The following ARHGEF17 variants were observed in gnomAD, a reference collection of about 807,000 sequenced individuals.
ARHGEF17 encodes the protein Rho guanine nucleotide exchange factor 17.
ARHGEF17 carries 80 observed loss-of-function variants against 174.0 expected under a neutral mutation model. The observed-to-expected ratio is 0.46, with a 90% CI of 0.38 to 0.55. The LOEUF is 0.55. ARHGEF17 is among the 20% of genes least tolerant of loss of function. The pLI is 0.00. For missense variants in ARHGEF17, 2,886 were observed against 2,839.7 expected, an observed-to-expected ratio of 1.02 and a Z score of -0.37; for synonymous variants, 1,311 against 1,189.1, an observed-to-expected ratio of 1.10 and a Z score of -2.11.
In ARHGEF17 at chr11:73,360,438, G is replaced by A. The variant is rs202109402; in HGVS notation, c.4325G>A (p.Arg1442Gln). The A allele has an allele frequency of 2.0e-5, 33 of 1,614,006 alleles. No individual in the cohort carries two copies. In the Middle Eastern group the frequency reaches 9.9e-4, roughly 48 times the overall value. Residue 1442 changes from arginine (R) to glutamine (Q), a missense_variant, in exon 11 of 21, where the codon CGG becomes CAG. Arg to Gln is a conservative substitution (Grantham distance 43, BLOSUM62 1). Around this residue, in one of 4 missense-constraint regions of ARHGEF17, gnomAD observed 476 missense variants for 473.1 expected, o/e 1.01. Coordinates refer to ENST00000263674, the MANE Select transcript of ARHGEF17 (RefSeq NM_014786.4). ...PPTKLELCAT[R>Q]PEGTDSYIFE... ...ACCAAGCTGGAGCTGTGCGCCACTC[G>A]GCCCGAGGGCACCGACTCCTACATT...
intron 20 of ARHGEF17, among the ~76,000 whole-genome samples, 162 bp downstream of exon 20, chr11:73,366,109 T>G (rs1172091138): frequency 6.6e-6 from 1 of 151,600 alleles, no homozygotes; most frequent in Non-Finnish European, 1.5e-5. Flanking sequence ...CCAAATGAAA[T>G]CTAGGATAGT....
At position 73,311,633 on chromosome 11, in the gene ARHGEF17, C is replaced by A; in HGVS notation, c.2995C>A (p.Gln999Lys). The A allele has an allele frequency of 6.2e-7, 1 of 1,613,304 alleles. No homozygotes were observed. The change falls in exon 1 of 21, where the codon CAG (glutamine) becomes AAG (lysine). Residue 999 changes from glutamine (Q) to lysine (K), a missense_variant. Coordinates refer to ENST00000263674, the MANE Select transcript of ARHGEF17 (RefSeq NM_014786.4). ...CCCTACCCGAGCCCATCCCACGTTG[C>A]AGGCACCATCGCTCGAGGACGTCAC... ...GFPTRAHPTL[Q>K]APSLEDVTKQ...
Position 73,363,280 on chromosome 11 carries a change from C to T in ARHGEF17, c.5071C>T (p.Leu1691=). The T allele has an allele frequency of 6.2e-7, 1 of 1,611,266 alleles. No homozygotes were observed. Residue 1691 remains leucine, a synonymous_variant, in exon 15 of 21, where the codon CTG becomes TTG. Coordinates refer to ENST00000263674, the MANE Select transcript of ARHGEF17 (RefSeq NM_014786.4). ...SSEEEQEPGF[L]PLSGSFGPGG... ...AGAGGAGGAGCAGGAGCCAGGCTTC[C>T]TGCCACTGTCTGGCTCCTTTGGGCC...
intron 13 of ARHGEF17, 68 bp downstream of exon 13, chr11:73,362,307 T>A (rs12421776): frequency 2.5e-4 from 370 of 1,451,356 alleles, no homozygotes; most frequent in African/African-American, 2.0e-3. Context: ...CCCAGCACAC[T>A]CTCAGGCCGC....
chr11:73,361,929 C>A, intron 12 of ARHGEF17, 111 bp from the exon 13 acceptor site: 1 of 1,271,448 alleles, frequency 7.9e-7, no homozygotes, highest in Non-Finnish European at 1.1e-6. Flanking sequence ...TCCACACACA[C>A]ACACCCATGC....
At chr11:73,314,317 AAG>A (rs1383278670) in intron 1 of ARHGEF17, among the ~76,000 whole-genome samples, 1 of 152,190 alleles carries the variant, frequency 6.6e-6, no homozygotes, top group Non-Finnish European at 1.5e-5. Flanking sequence ...CCTGGGGACT[AAG>A]GGGATGCCCC....
At chr11:73,336,642 T>A (rs1030573577) in intron 1 of ARHGEF17, among the ~76,000 whole-genome samples, 3 of 152,192 alleles carry the variant, frequency 2.0e-5, no homozygotes, top group Non-Finnish European at 4.4e-5. Context: ...TCCCCTTCCT[T>A]CATTTCTCCT....
chr11:73,351,565 G>C (rs2134414506), intron 2 of ARHGEF17, among the ~76,000 whole-genome samples: 1 of 152,114 alleles, frequency 6.6e-6, no homozygotes, highest in Admixed American at 6.5e-5. Flanking sequence ...GATCTCCCAC[G>C]ACCCTCCCTG....
At chr11:73,314,554 C>G (rs966622301) in intron 1 of ARHGEF17, among the ~76,000 whole-genome samples, 1 of 152,140 alleles carries the variant, frequency 6.6e-6, no homozygotes, top group East Asian at 1.9e-4. Flanking sequence ...AGTCAGCCTG[C>G]AGGGGGTGTC....
chr11:73,362,067 A>C lies in ARHGEF17; in HGVS notation c.4522A>C (p.Ser1508Arg), dbSNP rs754104072. ...CTCCTGTGCGGCTCCCACCCTGAAC[A>C]GCTGCCCGGAGCCCTCGCCTGAGGT... ...QFSCAAPTLNSCPEPSPEVWV... is the reference protein window; with the variant it reads ...QFSCAAPTLNRCPEPSPEVWV... Residue 1508 changes from serine (S) to arginine (R), a missense_variant, in exon 13 of 21, where the codon AGC becomes CGC. Coordinates refer to ENST00000263674, the MANE Select transcript of ARHGEF17 (RefSeq NM_014786.4). 6.2e-7 allele frequency: 1 copy of C among 1,612,776 alleles called. No individual in the cohort carries two copies. The highest frequency in any genetic ancestry group is 2.2e-5 in the East Asian group (1 of 44,876).
intron 11 of ARHGEF17, 86 bp from the exon 12 acceptor site, chr11:73,361,002 G>A: frequency 8.8e-7 from 1 of 1,137,726 alleles, no homozygotes; most frequent in Non-Finnish European, 1.3e-6. Flanking sequence ...GGGCAGGGGA[G>A]GAAGGGGAAT....
chr11:73,354,958 G>C (rs532808842), intron 3 of ARHGEF17, among the ~76,000 whole-genome samples: 1 of 152,366 alleles, frequency 6.6e-6, no homozygotes, highest in South Asian at 2.1e-4. Context: ...TTCATGGAGA[G>C]GGAGAACTTG....
chr11:73,363,381 C>A lies in ARHGEF17; in HGVS notation c.5172C>A (p.Gly1724=), dbSNP rs759570113. ...CCAGCCACGGCTCCTTCACCCGGGG[C>A]AGCCTTGAGGACCTGCTGAGTGTCG... ...RRSSHGSFTR[G]SLEDLLSVDP... The change falls in exon 15 of 21, where the codon GGC becomes GGA. Residue 1724 remains glycine (G), a synonymous_variant. Coordinates refer to ENST00000263674, the MANE Select transcript of ARHGEF17 (RefSeq NM_014786.4). The A allele has an allele frequency of 1.9e-6, 3 of 1,613,214 alleles. No individual in the cohort carries two copies. The highest frequency in any genetic ancestry group is 1.1e-5 in the South Asian group (1 of 91,022).
At chr11:73,349,227 C>T (rs1189924906) in intron 2 of ARHGEF17, among the ~76,000 whole-genome samples, 1 of 152,168 alleles carries the variant, frequency 6.6e-6, no homozygotes, top group Non-Finnish European at 1.5e-5. Flanking sequence ...TCACGTGCGT[C>T]CTCACTGGGT....
At position 73,338,127 on chromosome 11, in the gene ARHGEF17, G is replaced by C. The variant is rs967958551; in HGVS notation, c.3193-8756G>C. On this transcript the variant is annotated intron_variant, in intron 1 of 20. Coordinates refer to ENST00000263674, the MANE Select transcript of ARHGEF17 (RefSeq NM_014786.4). ...CCTTGAGAGGCTCCTCTTTCCAGAA[G>C]AGAGGGTCTCTAGGAAACAGGACCT... Among the ~76,000 whole-genome samples the C allele has an allele frequency of 3.3e-5, 5 of 152,288 alleles. No individual in the cohort carries two copies. The South Asian group carries it at 1.0e-3, about 32-fold the overall frequency.
chr11:73,362,648 G>A lies in ARHGEF17; in HGVS notation c.4910G>A (p.Ser1637Asn). ...DPRPELVPFD[S>N]DSDDESSPSP... Reference sequence around the variant, plus strand: ...CGCCCAGAGCTGGTGCCCTTTGACAGTGACTCTGACGATGAGTCTTCGCCC... The same window carrying A: ...CGCCCAGAGCTGGTGCCCTTTGACAATGACTCTGACGATGAGTCTTCGCCC... The change falls in exon 14 of 21, where the codon AGT becomes AAT. Residue 1637 changes from serine to asparagine, a missense_variant. Ser to Asn is a conservative substitution (Grantham distance 46, BLOSUM62 1). Around this residue, in one of 4 missense-constraint regions of ARHGEF17, gnomAD observed 476 missense variants for 473.1 expected, o/e 1.01. Transcript: ENST00000263674. 7 of 1,611,650 alleles carry A rather than the reference G, an allele frequency of 4.3e-6. No homozygotes were observed. The highest frequency in any genetic ancestry group is 5.1e-6 in the Non-Finnish European group (6 of 1,180,028).
At chr11:73,314,273 C>T (rs111427462) in intron 1 of ARHGEF17, among the ~76,000 whole-genome samples, 9 of 152,340 alleles carry the variant, frequency 5.9e-5, no homozygotes, top group African/African-American at 1.9e-4. Context: ...TAAGCAGAGA[C>T]GAGAGGAGCT....
In ARHGEF17 at chr11:73,310,080, A is replaced by G; in HGVS notation, c.1442A>G (p.Asp481Gly). 6.2e-7 allele frequency: 1 copy of G among 1,614,100 alleles called. No homozygotes were observed. Among genetic ancestry groups the G allele is most frequent in the Non-Finnish European group, 8.5e-7 (1 of 1,180,004 alleles). The stretch of plus-strand genomic sequence containing the variant: ...ACGCTTCTCAGTTTCCTGCGCTCAG[A>G]CCTTTCAGAGCTGAGGGTCCGAAAA... Reference protein sequence around the residue: ...TLTLLSFLRSDLSELRVRKPG... With the variant: ...TLTLLSFLRSGLSELRVRKPG... Residue 481 changes from aspartate to glycine, a missense_variant, in exon 1 of 21, where the codon GAC becomes GGC. By Grantham distance (94) the Asp-to-Gly change is moderately conservative (BLOSUM62 -1). Transcript: ENST00000263674.
rs759212507 is a variant in ARHGEF17 at position 73,364,222 on chromosome 11, T to C, written c.5384T>C (p.Val1795Ala). 1 of 1,614,168 alleles carries C rather than the reference T, an allele frequency of 6.2e-7. No individual in the cohort carries two copies. The highest frequency in any genetic ancestry group is 8.5e-7 in the Non-Finnish European group (1 of 1,180,022). Reference protein sequence around the residue: ...FVSLANGELVVYQREAGHFWD... With the variant: ...FVSLANGELVAYQREAGHFWD... ...TCTCTGGCCAATGGAGAGCTTGTGG[T>C]CTACCAAAGGGAAGCAGGTGAGTAT... Residue 1795 changes from valine to alanine, a missense_variant, in exon 17 of 21, where the codon GTC (valine) becomes GCC (alanine). By Grantham distance (64) the Val-to-Ala change is moderately conservative. Around this residue, in one of 4 missense-constraint regions of ARHGEF17, gnomAD observed 329 missense variants for 435.2 expected, o/e 0.76. Coordinates refer to ENST00000263674, the MANE Select transcript of ARHGEF17 (RefSeq NM_014786.4).
Sources: allele counts gnomAD v4.1 joint callset (sites outside exome capture counted in the v4.1 genomes callset), GRCh38; gene constraint gnomAD v4.1.1; regional missense constraint gnomAD v4.1.1; transcripts MANE v1.5; gene names NCBI Gene and HGNC (gene_info 2026-07-23, HGNC 2026-07-21).